The following FSTL4 variants were observed in gnomAD, a reference collection of about 807,000 sequenced individuals.
The protein encoded by FSTL4 is follistatin-related protein 4.
A neutral mutation model predicts 78.2 loss-of-function variants in FSTL4; 28 were observed. The observed-to-expected ratio is 0.36, with a 90% CI of 0.27 to 0.49. The LOEUF (loss-of-function observed/expected upper bound fraction) is 0.49. FSTL4 is among the 20% of genes least tolerant of loss of function. The probability of loss-of-function intolerance (pLI) is 0.98; values close to 1 mark genes in which losing one functional copy is unlikely to be tolerated. For missense variants in FSTL4, 922 were observed against 1,084.9 expected (o/e 0.85, Z 2.11); for synonymous variants, 422 against 440.5 (o/e 0.96, Z 0.53).
intron 7 of FSTL4, 113 bp from the exon 8 acceptor site, chr5:133,233,650 C>A: frequency 7.5e-7 from 1 of 1,330,102 alleles, no homozygotes; most frequent in Non-Finnish European, 1.0e-6. Context: ...TTCCTTTCTG[C>A]CTGGCCCTTG....
chr5:133,747,023 G>A, the FSTL4 span, among the ~76,000 whole-genome samples: 2 of 152,174 alleles, frequency 1.3e-5, no homozygotes, highest in African/African-American at 4.8e-5. Context: ...GGCCACCAGG[G>A]GCACTGTGAG....
At chr5:133,315,137 G>A (rs2126890680) in intron 5 of FSTL4, among the ~76,000 whole-genome samples, 1 of 152,292 alleles carries the variant, frequency 6.6e-6, no homozygotes, top group East Asian at 1.9e-4. Context: ...ACTCCAGTCT[G>A]GGTGACAGAG....
chr5:133,421,702 T>G (rs547271359), intron 3 of FSTL4, among the ~76,000 whole-genome samples: 2 of 152,232 alleles, frequency 1.3e-5, no homozygotes, highest in South Asian at 2.1e-4. Flanking sequence ...TCCCGCCACC[T>G]TGAATGACAG....
At chr5:133,311,734 T>C (rs1581610419) in intron 6 of FSTL4, among the ~76,000 whole-genome samples, 2 of 151,636 alleles carry the variant, frequency 1.3e-5, no homozygotes, top group Non-Finnish European at 1.5e-5. Flanking sequence ...GGGGGTGGGG[T>C]GGGCTTGCAC....
chr5:133,209,490 C>T (rs929446151), intron 14 of FSTL4, among the ~76,000 whole-genome samples: 3 of 152,176 alleles, frequency 2.0e-5, no homozygotes, highest in African/African-American at 7.2e-5. Context: ...TTTGCACCAT[C>T]TTTGGGAGAA....
chr5:133,820,246 T>C, the FSTL4 span, among the ~76,000 whole-genome samples: 325 of 152,276 alleles, frequency 2.1e-3, 1 homozygote, highest in Admixed American at 5.0e-3. Context: ...GCTGCATTTC[T>C]CTCCACTTAT....
chr5:133,232,693 C>A (rs1412326194), intron 8 of FSTL4, among the ~76,000 whole-genome samples: 5 of 152,162 alleles, frequency 3.3e-5, no homozygotes, highest in African/African-American at 1.2e-4. Flanking sequence ...AGTTGTGTGA[C>A]CCCAGGCAAG....
the FSTL4 span, among the ~76,000 whole-genome samples, chr5:133,657,113 G>A: frequency 6.6e-6 from 1 of 152,202 alleles, no homozygotes; most frequent in Non-Finnish European, 1.5e-5. Context: ...CTATTAGTAA[G>A]TAGATTGTTA....
At chr5:133,782,702 A>G in the FSTL4 span, among the ~76,000 whole-genome samples, 2 of 152,254 alleles carry the variant, frequency 1.3e-5, no homozygotes, top group African/African-American at 2.4e-5. Flanking sequence ...GGAGTTGTAC[A>G]ACCAAGACCC....
intron 3 of FSTL4, among the ~76,000 whole-genome samples, chr5:133,431,052 C>A (rs1756926042): frequency 6.6e-6 from 1 of 152,088 alleles, no homozygotes; most frequent in South Asian, 2.1e-4. Context: ...ATAGGAGAGA[C>A]CTAGAGGGGT....
intron 3 of FSTL4, among the ~76,000 whole-genome samples, chr5:133,517,649 G>A (rs1022074745): frequency 1.3e-5 from 2 of 150,860 alleles, no homozygotes; most frequent in Non-Finnish European, 3.0e-5. Flanking sequence ...GATTGAGAGA[G>A]AGGGAGAAAT....
rs574314201 is a variant in FSTL4 at position 133,553,334 on chromosome 5, C to T, written c.160+13852G>A. Reference sequence around the variant, plus strand: ...CTCCCATCAAGCACAGCTATGGATGCGCCTGCTCTTCCTAAGCTTTTCAAG... The same window carrying T: ...CTCCCATCAAGCACAGCTATGGATGTGCCTGCTCTTCCTAAGCTTTTCAAG... On this transcript the variant is annotated intron_variant, in intron 3 of 15. Coordinates refer to ENST00000265342, the MANE Select transcript of FSTL4 (RefSeq NM_015082.2). Among the ~76,000 whole-genome samples the T allele has an allele frequency of 2.2e-4, 33 of 152,286 alleles. No individual in the cohort carries two copies. In the South Asian group the frequency reaches 6.4e-3, roughly 30 times the overall value.
chr5:133,648,330 C>T, the FSTL4 span, among the ~76,000 whole-genome samples: 3 of 152,120 alleles, frequency 2.0e-5, no homozygotes, highest in African/African-American at 7.2e-5. Context: ...GTTTAGTAGC[C>T]CAAGGGGGCA....
chr5:133,395,730 A>G (rs927465460), intron 4 of FSTL4, among the ~76,000 whole-genome samples: 6 of 151,998 alleles, frequency 3.9e-5, no homozygotes, highest in African/African-American at 1.5e-4. Flanking sequence ...GTACTCCTAG[A>G]AAGCCTTCCC....
chr5:133,321,398 G>A (rs370969585), intron 4 of FSTL4, among the ~76,000 whole-genome samples: 3 of 152,188 alleles, frequency 2.0e-5, no homozygotes, highest in East Asian at 1.9e-4. Flanking sequence ...AGATCTCTCC[G>A]GACAGGGGCA....
the FSTL4 span, among the ~76,000 whole-genome samples, chr5:133,688,365 A>T: frequency 6.6e-6 from 1 of 152,138 alleles, no homozygotes; most frequent in African/African-American, 2.4e-5. Flanking sequence ...GTGATCCGAG[A>T]TCACACCATG....
the FSTL4 span, among the ~76,000 whole-genome samples, chr5:133,689,558 C>T: frequency 6.6e-6 from 1 of 152,196 alleles, no homozygotes; most frequent in Admixed American, 6.5e-5. Flanking sequence ...ATGCTGGGCA[C>T]AGGGATGGGA....
intron 2 of FSTL4, among the ~76,000 whole-genome samples, chr5:133,582,546 T>A (rs1324084630): frequency 6.6e-6 from 1 of 151,766 alleles, no homozygotes; most frequent in South Asian, 2.1e-4. Flanking sequence ...GACTCTGGAG[T>A]GGGGAGGGGT....
chr5:133,274,403 ACAG>A (rs1431665448), intron 6 of FSTL4, among the ~76,000 whole-genome samples: 2 of 1,126 alleles, frequency 1.8e-3, no homozygotes, highest in Admixed American at 8.9e-3. Context: ...TTTTAGGAGA[ACAG>A]CAATAAAAAA....
Sources: allele counts gnomAD v4.1 joint callset (sites outside exome capture counted in the v4.1 genomes callset), GRCh38; gene constraint gnomAD v4.1.1; transcripts MANE v1.5; gene names NCBI Gene and HGNC (gene_info 2026-07-23, HGNC 2026-07-21).